Variants in MCF2L observed in about 807,000 individuals in gnomAD.
The protein encoded by MCF2L is guanine nucleotide exchange factor DBS.
In MCF2L, 97 loss-of-function variants were observed where a neutral mutation model predicts 153.4. The observed-to-expected ratio is 0.63, with a 90% CI of 0.54 to 0.75. MCF2L has a LOEUF of 0.75. Among genes scored for constraint, MCF2L ranks in the 30% least tolerant of loss-of-function variants. The pLI is 0.00. For missense variants in MCF2L, 1,347 were observed against 1,495.2 expected, an observed-to-expected ratio of 0.90 and a Z score of 1.64; for synonymous variants, 659 against 632.2, an observed-to-expected ratio of 1.04 and a Z score of -0.64.
intron 1 of MCF2L, among the ~76,000 whole-genome samples, chr13:112,980,468 C>T (rs964006582): frequency 2.0e-5 from 3 of 152,180 alleles, no homozygotes; most frequent in African/African-American, 7.2e-5. Flanking sequence ...AGTTTGGGAG[C>T]ATTTATTTCA....
chr13:113,036,514 C>A (rs2086161484), intron 3 of MCF2L, among the ~76,000 whole-genome samples: 1 of 152,208 alleles, frequency 6.6e-6, no homozygotes, highest in Non-Finnish European at 1.5e-5. Context: ...GAGAATAAAG[C>A]AGGCCAGGGC....
At chr13:113,060,795 G>A (rs1315027556) in intron 5 of MCF2L, 83 bp downstream of exon 5, 26 of 1,565,588 alleles carry the variant, frequency 1.7e-5, no homozygotes, top group East Asian at 2.3e-5. Flanking sequence ...CGAAATCCTC[G>A]AGGAGCTGAC....
At chr13:113,022,096 G>T (rs763735548) in intron 2 of MCF2L, among the ~76,000 whole-genome samples, 3 of 152,132 alleles carry the variant, frequency 2.0e-5, no homozygotes. Context: ...GCTCAGGCTG[G>T]CCTCTGGGGG....
chr13:113,074,500 C>T lies in MCF2L; in HGVS notation c.1053C>T (p.Gly351=), dbSNP rs537198455. The T allele has an allele frequency of 8.7e-6, 14 of 1,614,096 alleles. No individual in the cohort carries two copies. Among genetic ancestry groups the T allele is most frequent in the Non-Finnish European group, 1.1e-5 (13 of 1,180,020 alleles). The part of the protein sequence containing the change: ...SQKIATFTDI[G]NSLAHVEHLL... ...AGATAGCAACCTTCACAGACATCGG[C>T]AACAGCCTGGCGCATGTGGAGCACC... Residue 351 remains glycine (G), a synonymous_variant, in exon 10 of 30, where the codon GGC becomes GGT. Coordinates refer to ENST00000535094, the MANE Select transcript of MCF2L (RefSeq NM_001112732.3). This position sits in a 1 kb window ranked among gnomAD's most constrained non-coding sequence, Gnocchi z 4.2.
In MCF2L at chr13:113,031,406, T is replaced by C. The variant is rs1465727863; in HGVS notation, c.278+6648T>C. Among the ~76,000 whole-genome samples, 1 of 151,914 alleles carries C rather than the reference T, an allele frequency of 6.6e-6. No individual in the cohort carries two copies. Among genetic ancestry groups the C allele is most frequent in the African/African-American group, 2.4e-5 (1 of 41,346 alleles). ...AGATCCCAGGAGGGCGCCAGCGGCA[T>C]CTTTGGGGGCAGCGAACGCACCAGG... On this transcript the variant is annotated intron_variant, in intron 3 of 29. Coordinates refer to ENST00000535094, the MANE Select transcript of MCF2L (RefSeq NM_001112732.3). The surrounding 1 kb of genome is among the most constrained non-coding windows in gnomAD (Gnocchi z 5.5).
intron 2 of MCF2L, among the ~76,000 whole-genome samples, chr13:112,958,491 G>A (rs189347456): frequency 1.4e-3 from 220 of 152,304 alleles, no homozygotes; most frequent in African/African-American, 5.0e-3. Flanking sequence ...CACGACACCC[G>A]CACAGCCCCC....
chr13:112,942,708 G>A (rs1009193089), intron 2 of MCF2L, among the ~76,000 whole-genome samples: 1 of 152,228 alleles, frequency 6.6e-6, no homozygotes, highest in African/African-American at 2.4e-5. Flanking sequence ...GTAAAACGAA[G>A]TGAATGAGTT....
intron 2 of MCF2L, among the ~76,000 whole-genome samples, chr13:112,921,787 G>A (rs567258205): frequency 6.6e-6 from 1 of 152,280 alleles, no homozygotes; most frequent in South Asian, 2.1e-4. Context: ...TTGAGTTGGA[G>A]GCCATGCCAG....
chr13:113,060,506 G>C, intron 4 of MCF2L, 87 bp from the exon 5 acceptor site: 1 of 1,532,106 alleles, frequency 6.5e-7, no homozygotes, highest in Non-Finnish European at 8.8e-7. Context: ...GCGCGCCCCC[G>C]GTCAGCCCAG....
At chr13:112,913,670 C>T (rs2081259472) in intron 2 of MCF2L, among the ~76,000 whole-genome samples, 1 of 152,180 alleles carries the variant, frequency 6.6e-6, no homozygotes, top group African/African-American at 2.4e-5. Context: ...GTCTGTCCTG[C>T]CACCTCCCTT....
At chr13:112,944,130 G>A (rs1209560829) in intron 2 of MCF2L, among the ~76,000 whole-genome samples, 1 of 150,596 alleles carries the variant, frequency 6.6e-6, no homozygotes, top group Non-Finnish European at 1.5e-5. Context: ...TGAGGGGAGG[G>A]GAAGATCCTA....
chr13:113,015,500 T>C (rs913526377), intron 2 of MCF2L, among the ~76,000 whole-genome samples: 5 of 151,690 alleles, frequency 3.3e-5, no homozygotes, highest in Non-Finnish European at 5.9e-5. Flanking sequence ...CTGAGGAGGG[T>C]GCCCCGATGC....
chr13:113,048,102 G>A (rs1388979645), intron 4 of MCF2L, among the ~76,000 whole-genome samples: 4 of 152,234 alleles, frequency 2.6e-5, no homozygotes, highest in East Asian at 1.9e-4. Context: ...ACAGGATAGC[G>A]AAGCAGCCCA....
intron 2 of MCF2L, among the ~76,000 whole-genome samples, chr13:113,021,719 C>T (rs987814823): frequency 3.3e-5 from 5 of 152,214 alleles, no homozygotes; most frequent in African/African-American, 4.8e-5. Flanking sequence ...CCCCCAGCTC[C>T]GCGTCCAGCG....
At chr13:113,014,291 C>T (rs934101880) in intron 1 of MCF2L, among the ~76,000 whole-genome samples, 2 of 152,212 alleles carry the variant, frequency 1.3e-5, no homozygotes, top group South Asian at 2.1e-4. Context: ...CCTGTGTGTG[C>T]GGAGGCAGAG....
chr13:112,980,084 G>A (rs543636325), intron 1 of MCF2L, among the ~76,000 whole-genome samples: 2 of 152,302 alleles, frequency 1.3e-5, no homozygotes, highest in South Asian at 2.1e-4. Flanking sequence ...GAGGCTCCCC[G>A]GGCACACGCG....
intron 1 of MCF2L, chr13:113,001,636 C>A: frequency 7.9e-7 from 1 of 1,270,602 alleles, no homozygotes; most frequent in Non-Finnish European, 1.0e-6. Flanking sequence ...CCTCCCTGGC[C>A]GGGGCTCAGC....
At chr13:112,926,543 AGGG>A (rs1473233438) in intron 2 of MCF2L, among the ~76,000 whole-genome samples, 2 of 152,172 alleles carry the variant, frequency 1.3e-5, no homozygotes, top group Non-Finnish European at 2.9e-5. Context: ...CTACATGCAC[AGGG>A]GGGTGCTGTG....
intron 2 of MCF2L, among the ~76,000 whole-genome samples, chr13:112,918,496 C>A (rs2081319180): frequency 6.6e-6 from 1 of 152,092 alleles, no homozygotes. Context: ...GAGAGAATGT[C>A]CATGGGGAGA....
Sources: allele counts gnomAD v4.1 joint callset (sites outside exome capture counted in the v4.1 genomes callset), GRCh38; gene constraint gnomAD v4.1.1; non-coding constraint Gnocchi (gnomAD v3.1); transcripts MANE v1.5; gene names NCBI Gene and HGNC (gene_info 2026-07-23, HGNC 2026-07-21).